Variants in MTFR2 observed in about 807,000 individuals in gnomAD.
MTFR2 encodes the protein DUF729 domain-containing protein 1.
In MTFR2, 44 loss-of-function variants were observed where a neutral mutation model predicts 41.2. The ratio of observed to expected loss-of-function variants is 1.07; its 90% CI spans 0.84 to 1.37. The LOEUF (loss-of-function observed/expected upper bound fraction) is 1.37. MTFR2 is among the 40% of genes most tolerant of loss of function. MTFR2 has a pLI of 0.00. For missense variants in MTFR2, 452 were observed against 459.5 expected (o/e 0.98, Z 0.15); for synonymous variants, 141 against 154.6 (o/e 0.91, Z 0.65).
At chr6:136,245,843 AT>A (rs1403843310) in intron 2 of MTFR2, among the ~76,000 whole-genome samples, 3 of 152,122 alleles carry the variant, frequency 2.0e-5, no homozygotes, top group Admixed American at 6.6e-5. Context: ...TGCTAAGATT[AT>A]TTTACATTTT....
rs964435568 is a variant in MTFR2 at position 136,234,273 on chromosome 6, C to A, written c.870-774G>T. On this transcript the variant is annotated intron_variant, in intron 6 of 7. Coordinates refer to ENST00000420702, the MANE Select transcript of MTFR2 (RefSeq NM_001099286.3). ...CAGCAAGTCATGGCACCACTACACT[C>A]CAGCCTGGGTGACAGAGCAACACCC... Among the ~76,000 whole-genome samples, 3 of 149,082 alleles carry A rather than the reference C, an allele frequency of 2.0e-5. No homozygotes were observed. The South Asian group carries it at 6.4e-4, about 32-fold the overall frequency.
At chr6:136,247,593 GC>G (rs1285897366) in intron 2 of MTFR2, 9 of 449,388 alleles carry the variant, frequency 2.0e-5, no homozygotes, top group Non-Finnish European at 3.6e-5. Context: ...CCATCCTGCG[GC>G]CCCTTCAGGC....
chr6:136,245,278 G>A (rs536430509), intron 2 of MTFR2, among the ~76,000 whole-genome samples: 4 of 151,972 alleles, frequency 2.6e-5, no homozygotes, highest in Non-Finnish European at 5.9e-5. Flanking sequence ...AAGCAACGAC[G>A]TAATATGGAG....
At chr6:136,233,181 A>G (rs1053504791) in intron 7 of MTFR2, 144 bp downstream of exon 7, 1 of 583,304 alleles carries the variant, frequency 1.7e-6, no homozygotes, top group Admixed American at 3.6e-5. Flanking sequence ...CAACAAAAAA[A>G]CCCCAGAAAC....
chr6:136,244,699 T>C (rs892475358), intron 3 of MTFR2, 66 bp downstream of exon 3: 9 of 1,104,426 alleles, frequency 8.1e-6, no homozygotes, highest in Non-Finnish European at 1.2e-5. Flanking sequence ...TTCTACCCCA[T>C]ACCTGTAAGA....
intron 3 of MTFR2, among the ~76,000 whole-genome samples, chr6:136,243,734 T>G (rs1780145874): frequency 6.6e-6 from 1 of 151,228 alleles, no homozygotes; most frequent in Non-Finnish European, 1.5e-5. Flanking sequence ...AAAAAAAAGT[T>G]AACTATACCA....
intron 6 of MTFR2, among the ~76,000 whole-genome samples, chr6:136,236,184 G>T (rs540049434): frequency 6.6e-6 from 1 of 152,308 alleles, no homozygotes; most frequent in East Asian, 1.9e-4. Context: ...GAGTACATGT[G>T]TTTTGAAGGT....
intron 5 of MTFR2, 34 bp downstream of exon 5, chr6:136,241,410 A>T (rs777435039): frequency 6.4e-7 from 1 of 1,563,410 alleles, no homozygotes; most frequent in Non-Finnish European, 8.7e-7. Context: ...CATGAGTATC[A>T]TCTAACTGAA....
rs369866777 is a variant in MTFR2, at chr6:136,235,750, G to A, written c.870-2251C>T. On this transcript the variant is annotated intron_variant, in intron 6 of 7. Transcript: ENST00000420702. ...AGATCGAGACCATCCTGGCCAATAC[G>A]GTGAAACCCTATCTCTACTAAAAAT... 2.9e-4 allele frequency among the ~76,000 whole-genome samples: 44 copies of A among 152,274 alleles called. No homozygotes were observed. The South Asian group carries it at 8.9e-3, about 31-fold the overall frequency.
At position 136,240,826 on chromosome 6, in the gene MTFR2, T is replaced by G. The variant is rs997703814; in HGVS notation, c.514+618A>C. Reference sequence around the variant, plus strand: ...CTTACTGAGGGCCGGGCGCGGTGGCTCACGCCTGTAATCCCAGCACTTTGG... The same window carrying G: ...CTTACTGAGGGCCGGGCGCGGTGGCGCACGCCTGTAATCCCAGCACTTTGG... On this transcript the variant is annotated intron_variant, in intron 5 of 7. Coordinates refer to ENST00000420702, the MANE Select transcript of MTFR2 (RefSeq NM_001099286.3). Among the ~76,000 whole-genome samples the G allele has an allele frequency of 1.7e-3, 255 of 148,912 alleles. 2 individuals are homozygous for G. Among genetic ancestry groups the G allele is most frequent in the South Asian group, 7.5e-3 (36 of 4,826 alleles).
intron 3 of MTFR2, among the ~76,000 whole-genome samples, chr6:136,243,231 T>G (rs1367144617): frequency 6.6e-6 from 1 of 152,192 alleles, no homozygotes; most frequent in Non-Finnish European, 1.5e-5. Flanking sequence ...CTTCAGTTAT[T>G]GTTCACACTT....
At chr6:136,248,734 T>C (rs773853806) in intron 2 of MTFR2, 3 of 332,356 alleles carry the variant, frequency 9.0e-6, no homozygotes, top group Non-Finnish European at 1.6e-5. Flanking sequence ...TGTTTATAAA[T>C]TACCTTGAAT....
At chr6:136,242,715 C>CA in intron 4 of MTFR2, 146 bp downstream of exon 4, 1 of 536,234 alleles carries the variant, frequency 1.9e-6, no homozygotes, top group Non-Finnish European at 3.1e-6. Context: ...GAAAAGCAGC[C>CA]AGTCTTCTTT....
At position 136,250,100 on chromosome 6, in the gene MTFR2, G is replaced by C. The variant is rs118084895; in HGVS notation, c.-179C>G. ...TCGCTCAGACGTCTACCCAGACCTC[G>C]ACCCAGTTTCCACCCGCGCGCCTCG... On this transcript the variant is annotated 5_prime_UTR_variant, in exon 1 of 8. Transcript: ENST00000420702. 494 of 152,514 alleles carry C rather than the reference G, an allele frequency of 3.2e-3. 10 individuals are homozygous for C. In the East Asian group the frequency reaches 0.051, roughly 16 times the overall value. 9.4% of individuals were successfully genotyped at this position (152,514 alleles called of 1,614,324 possible). A position where few individuals can be genotyped will look rare whatever the true frequency, so the allele number is the denominator to read the frequency against.
chr6:136,241,817 A>C, intron 4 of MTFR2, 141 bp from the exon 5 acceptor site: 1 of 673,002 alleles, frequency 1.5e-6, no homozygotes, highest in Non-Finnish European at 2.5e-6. Context: ...AGTGGCTCAC[A>C]CCTGTAATCC....
chr6:136,240,264 C>T lies in MTFR2; in HGVS notation c.515-444G>A, dbSNP rs571327876. Among the ~76,000 whole-genome samples, 6 of 152,200 alleles carry T rather than the reference C, an allele frequency of 3.9e-5. No individual in the cohort carries two copies. In the South Asian group the frequency reaches 1.2e-3, roughly 32 times the overall value. ...CTTAAGATGGGTACTGAGTATTTAA[C>T]TTTTCCACTTTAAGATTTGCTCATA... On this transcript the variant is annotated intron_variant, in intron 5 of 7. Transcript: ENST00000420702.
chr6:136,244,952 G>A, intron 2 of MTFR2, 83 bp from the exon 3 acceptor site: 19 of 936,912 alleles, frequency 2.0e-5, no homozygotes, highest in Admixed American at 6.4e-5. Flanking sequence ...ATGTAAAAAA[G>A]ACAAAAAAGA....
chr6:136,242,486 G>A (rs990313030), intron 4 of MTFR2, among the ~76,000 whole-genome samples: 1 of 152,150 alleles, frequency 6.6e-6, no homozygotes, highest in African/African-American at 2.4e-5. Flanking sequence ...AATGTGCTTA[G>A]AGCCTGTATC....
At chr6:136,243,969 A>G (rs1374352225) in intron 3 of MTFR2, among the ~76,000 whole-genome samples, 2 of 152,102 alleles carry the variant, frequency 1.3e-5, no homozygotes, top group Admixed American at 6.5e-5. Context: ...AAAATTTAAA[A>G]ATTTTTAAAT....
Sources: gnomAD v4.1 joint callset for allele counts (sites outside exome capture counted in the v4.1 genomes callset) on GRCh38, gnomAD v4.1.1 for gene constraint, MANE v1.5 for transcripts, NCBI Gene and HGNC (gene_info 2026-07-23, HGNC 2026-07-21) for gene names.